TRPM5: variants seen among roughly 807,000 people sequenced by gnomAD.
TRPM5 encodes transient receptor potential cation channel subfamily M member 5.
Under a neutral mutation model 124.9 loss-of-function variants are expected in TRPM5, and 121 were observed. The ratio of observed to expected loss-of-function variants is 0.97; its 90% CI spans 0.84 to 1.13. TRPM5 has a LOEUF of 1.13. Among genes scored for constraint, TRPM5 ranks in the 50% most tolerant of loss-of-function variants. The probability of loss-of-function intolerance (pLI) is 0.00; values close to 1 mark genes in which losing one functional copy is unlikely to be tolerated. For synonymous variants in TRPM5, 781 were observed against 700.5 expected (o/e 1.11, Z -1.81); for missense variants, 1,643 against 1,589.1 (o/e 1.03, Z -0.58).
the TRPM5 span, among the ~76,000 whole-genome samples, chr11:2,428,186 G>A: frequency 6.6e-6 from 1 of 152,196 alleles, no homozygotes; most frequent in African/African-American, 2.4e-5. This position sits in a 1 kb window ranked among gnomAD's most constrained non-coding sequence, Gnocchi z 4.0. Context: ...CTAATAGCCT[G>A]GCTTCTGGGA....
chr11:2,405,654 C>T lies in TRPM5; in HGVS notation c.3325-61G>A, dbSNP rs571029495. On this transcript the variant is annotated intron_variant, in intron 22 of 23. Coordinates refer to ENST00000155858, the Ensembl canonical transcript of TRPM5. The stretch of plus-strand genomic sequence containing the variant: ...CTCTCTCAGGACAGCAGGGGACAGG[C>T]AGCCTCCCCATCTCCCCTCTCCTGC... 2.7e-5 allele frequency: 41 copies of T among 1,515,416 alleles called. 1 individual carries two copies. In the South Asian group the frequency reaches 3.2e-4, roughly 12 times the overall value. 93.9% of individuals were successfully genotyped at this position (1,515,416 alleles called of 1,614,324 possible).
chr11:2,411,566 A>C (rs771367043), intron 17 of TRPM5, 40 bp from the exon 23 acceptor site: 1 of 1,608,062 alleles, frequency 6.2e-7, no homozygotes, highest in Non-Finnish European at 8.5e-7. Context: ...GTCAGCGGCC[A>C]GCCGGGTGGG....
chr11:2,432,799 C>G, the TRPM5 span, among the ~76,000 whole-genome samples: 1 of 152,272 alleles, frequency 6.6e-6, no homozygotes, highest in African/African-American at 2.4e-5. Flanking sequence ...CTCTGAACCA[C>G]ACACAGTCTA....
intron 18 of TRPM5, 89 bp from the exon 24 acceptor site, chr11:2,408,001 T>C: frequency 6.6e-7 from 1 of 1,517,150 alleles, no homozygotes. Context: ...CGCTGAGTCC[T>C]GGTGTTGAAC....
the TRPM5 span, among the ~76,000 whole-genome samples, chr11:2,436,418 T>C: frequency 6.6e-6 from 1 of 152,178 alleles, no homozygotes; most frequent in Admixed American, 6.5e-5. Flanking sequence ...CCCACCCCCA[T>C]TTGCCCTCCT....
the TRPM5 span, among the ~76,000 whole-genome samples, chr11:2,438,591 T>C: frequency 1.3e-5 from 2 of 152,046 alleles, no homozygotes; most frequent in Non-Finnish European, 2.9e-5. The surrounding 1 kb of genome is among the most constrained non-coding windows in gnomAD (Gnocchi z 5.9). Flanking sequence ...CACCTAAGCC[T>C]GGGAGGTTGA....
Position 2,420,924 on chromosome 11 carries a change from C to T in TRPM5, c.465+108G>A, listed in dbSNP as rs1845763715. ...CTGGCTCTGCCCGCTCCCTGCTCTT[C>T]CTCCAGCTCGAGTCCTGTCCTCCCA... On this transcript the variant is annotated intron_variant, in intron 3 of 23. Coordinates refer to ENST00000155858, the Ensembl canonical transcript of TRPM5. 60 of 1,268,254 alleles carry T rather than the reference C, an allele frequency of 4.7e-5. No individual in the cohort carries two copies. The South Asian group carries it at 9.2e-4, about 19-fold the overall frequency. The allele number at this position is 1,268,254 out of a possible 1,614,324, so 78.6% of individuals were successfully genotyped here.
At chr11:2,410,748 C>T (rs1165154146) in intron 18 of TRPM5, 3 of 449,496 alleles carry the variant, frequency 6.7e-6, no homozygotes, top group Non-Finnish European at 1.3e-5. Flanking sequence ...CTGGGGACAC[C>T]CATAGGCATG....
At chr11:2,408,969 T>C (rs1455787985) in intron 18 of TRPM5, among the ~76,000 whole-genome samples, 1 of 152,180 alleles carries the variant, frequency 6.6e-6, no homozygotes, top group African/African-American at 2.4e-5. Flanking sequence ...CATTCAAGTG[T>C]ATCTTAGTGC....
At chr11:2,442,376 TACACACACACACACAC>T in the TRPM5 span, among the ~76,000 whole-genome samples, 1,033 of 141,248 alleles carry the variant, frequency 7.3e-3, 10 homozygotes, top group African/African-American at 0.024. The surrounding 1 kb of genome is among the most constrained non-coding windows in gnomAD (Gnocchi z 5.9). Context: ...CATTCTTTGA[TACACACACACACACAC>T]ACACACACAC....
At chr11:2,444,387 C>A in the TRPM5 span, among the ~76,000 whole-genome samples, 2 of 151,848 alleles carry the variant, frequency 1.3e-5, no homozygotes, top group East Asian at 2.0e-4. Context: ...GCCCCTCCTG[C>A]CCCCGCTGTG....
At chr11:2,413,523 T>A (rs759250476) in exon 13 of TRPM5, 3 of 1,612,426 alleles carry the variant, frequency 1.9e-6, no homozygotes, top group Admixed American at 3.3e-5. Context: ...AGAGGAAGGC[T>A]CCTAGCAGCC....
intron 18 of TRPM5, among the ~76,000 whole-genome samples, chr11:2,410,053 C>T (rs1220338440): frequency 2.0e-5 from 3 of 152,180 alleles, no homozygotes; most frequent in Non-Finnish European, 4.4e-5. Context: ...CCCCGAGGGG[C>T]CCTGCGGACG....
chr11:2,418,045 G>A, intron 6 of TRPM5, 122 bp downstream of exon 11: 1 of 1,042,566 alleles, frequency 9.6e-7, no homozygotes, highest in South Asian at 1.6e-5. Flanking sequence ...AGAGTGGGTG[G>A]GGGGCCCAGC....
chr11:2,418,424 A>AG, intron 5 of TRPM5, 66 bp from the exon 11 acceptor site: 1 of 1,503,814 alleles, frequency 6.6e-7, no homozygotes, highest in South Asian at 1.2e-5. Context: ...TGCAGGTGTC[A>AG]GGGGTGCCCC....
chr11:2,415,109 G>T lies in TRPM5; in HGVS notation c.1479+12C>A. ...CAGCCTCGCCCTCCATCCCCACGGA[G>T]CCCCCGCTCACCGCCCTCCTGCGGT... is the stretch of plus-strand genomic sequence containing the variant. On this transcript the variant is annotated intron_variant, in intron 9 of 23. Coordinates refer to ENST00000155858, the Ensembl canonical transcript of TRPM5. The T allele has an allele frequency of 6.4e-7, 1 of 1,572,372 alleles. No homozygotes were observed. Among genetic ancestry groups the T allele is most frequent in the Non-Finnish European group, 8.6e-7 (1 of 1,163,402 alleles).
rs549488833 is a variant in TRPM5 at position 2,409,085 on chromosome 11, T to TCCC, written c.2783-1174_2783-1173insGGG. ...AGCTGGAGGGGTCCGTTCTCCCTCCTAGGGTGAATTCCTGCCTTGTTTCTC... is the reference window on the plus strand; with the variant it reads ...AGCTGGAGGGGTCCGTTCTCCCTCCTCCCAGGGTGAATTCCTGCCTTGTTTCTC... On this transcript the variant is annotated intron_variant, in intron 18 of 23. Coordinates refer to ENST00000155858, the Ensembl canonical transcript of TRPM5. Among the ~76,000 whole-genome samples the TCCC allele has an allele frequency of 1.1e-3, 160 of 152,202 alleles. 1 individual carries two copies. Among genetic ancestry groups the TCCC allele is most frequent in the African/African-American group, 3.6e-3 (148 of 41,550 alleles).
the TRPM5 span, among the ~76,000 whole-genome samples, chr11:2,441,005 G>A: frequency 6.6e-6 from 1 of 152,346 alleles, no homozygotes; most frequent in East Asian, 1.9e-4. The surrounding 1 kb of genome is among the most constrained non-coding windows in gnomAD (Gnocchi z 7.2). Flanking sequence ...CTGGTGAGCT[G>A]AGGGATGTCG....
chr11:2,414,008 C>CGGGGGGG, intron 12 of TRPM5, 53 bp downstream of exon 17: 8 of 1,038,766 alleles, frequency 7.7e-6, no homozygotes, highest in Non-Finnish European at 5.7e-6. Context: ...GGGCCCAGCT[C>CGGGGGGG]GCCCGCCCAC....
Sources: allele counts gnomAD v4.1 joint callset (sites outside exome capture counted in the v4.1 genomes callset), GRCh38; gene constraint gnomAD v4.1.1; non-coding constraint Gnocchi (gnomAD v3.1); transcripts MANE v1.5; gene names NCBI Gene and HGNC (gene_info 2026-07-23, HGNC 2026-07-21).